ESCO1: variants seen among roughly 807,000 people sequenced by gnomAD.
ESCO1 encodes establishment of sister chromatid cohesion N-acetyltransferase 1, also known as N-acetyltransferase ESCO1.
Under a neutral mutation model 83.5 loss-of-function variants are expected in ESCO1, and 33 were observed. The ratio of observed to expected loss-of-function variants is 0.40; its 90% CI spans 0.30 to 0.53. ESCO1 has a LOEUF of 0.53. Among genes scored for constraint, ESCO1 ranks in the 20% least tolerant of loss-of-function variants. The pLI, the probability that ESCO1 is intolerant of heterozygous loss-of-function variation, is 0.63. For synonymous variants in ESCO1, 332 were observed against 324.3 expected, an observed-to-expected ratio of 1.02 and a Z score of -0.25; for missense variants, 855 against 968.0, an observed-to-expected ratio of 0.88 and a Z score of 1.55.
chr18:21,559,006 T>G (rs2146196059), intron 8 of ESCO1, among the ~76,000 whole-genome samples: 1 of 152,342 alleles, frequency 6.6e-6, no homozygotes, highest in East Asian at 1.9e-4. Flanking sequence ...GCCCAATAAA[T>G]GTTTTAAAGT....
chr18:21,541,547 C>T (rs1466890806), intron 8 of ESCO1, among the ~76,000 whole-genome samples: 1 of 143,754 alleles, frequency 7.0e-6, no homozygotes, highest in African/African-American at 2.6e-5. Context: ...GAGCTGAGTT[C>T]GCGCCATTGC....
intron 5 of ESCO1, 44 bp from the exon 6 acceptor site, chr18:21,566,250 C>T: frequency 6.5e-7 from 1 of 1,546,612 alleles, no homozygotes. Context: ...GAGTTTTATA[C>T]TAGTTTTCCA....
At position 21,574,320 on chromosome 18, in the gene ESCO1, A is replaced by C. The variant is rs1353892897; in HGVS notation, c.524T>G (p.Val175Gly). ...CTTTACTTCCAGTACTTTTCTCTTCACATGTTTTTGACTTGTTTTATTAGA... is the reference window on the plus strand; with the variant it reads ...CTTTACTTCCAGTACTTTTCTCTTCCCATGTTTTTGACTTGTTTTATTAGA... The part of the protein sequence containing the change: ...SKSNKTSQKH[V>G]KRKVLEVKSD... The change falls in exon 4 of 12, where the codon GTG (valine) becomes GGG (glycine). Residue 175 changes from valine to glycine, a missense_variant. This residue lies in a region of ESCO1 where 726 missense variants were observed against 699.5 expected (regional missense o/e 1.04). Coordinates refer to ENST00000269214, the MANE Select transcript of ESCO1 (RefSeq NM_052911.3). 6.2e-7 allele frequency: 1 copy of C among 1,613,574 alleles called. No homozygotes were observed. Among genetic ancestry groups the C allele is most frequent in the Non-Finnish European group, 8.5e-7 (1 of 1,179,966 alleles).
At chr18:21,545,096 ACTTT>A (rs1173415520) in intron 8 of ESCO1, among the ~76,000 whole-genome samples, 4 of 152,064 alleles carry the variant, frequency 2.6e-5, no homozygotes, top group Non-Finnish European at 4.4e-5. Context: ...CTCGCTGTGT[ACTTT>A]CTTTTTCTTT....
At chr18:21,592,807 G>C (rs550392829) in intron 1 of ESCO1, among the ~76,000 whole-genome samples, 2 of 145,308 alleles carry the variant, frequency 1.4e-5, no homozygotes, top group Non-Finnish European at 1.5e-5. Flanking sequence ...GGCGGCTGCC[G>C]GGCGGAGGGG....
intron 2 of ESCO1, among the ~76,000 whole-genome samples, chr18:21,583,765 A>G (rs2038536057): frequency 6.6e-6 from 1 of 152,198 alleles, no homozygotes; most frequent in Non-Finnish European, 1.5e-5. Flanking sequence ...GAGGTGACAG[A>G]AATGTTCTTT....
intron 4 of ESCO1, among the ~76,000 whole-genome samples, chr18:21,568,311 G>A (rs4800278): frequency 0.2 from 30,228 of 151,924 alleles, 3,666 homozygotes; most frequent in East Asian, 0.44. Flanking sequence ...GCAGGGTACA[G>A]CAGTGCATGC....
intron 5 of ESCO1, among the ~76,000 whole-genome samples, chr18:21,566,437 T>TAGAA (rs2038261251): frequency 6.6e-6 from 1 of 152,244 alleles, no homozygotes; most frequent in Non-Finnish European, 1.5e-5. Flanking sequence ...GCTGTAATGG[T>TAGAA]AGATTAGCTT....
At position 21,564,129 on chromosome 18, in the gene ESCO1, G is replaced by A. The variant is rs533579827; in HGVS notation, c.1821+74C>T. Reference sequence around the variant, plus strand: ...ATAAAAATTACCAACCTCAGATATCGTATTATAGCAACATGAAATATACTA... The same window carrying A: ...ATAAAAATTACCAACCTCAGATATCATATTATAGCAACATGAAATATACTA... On this transcript the variant is annotated intron_variant, in intron 7 of 11. Coordinates refer to ENST00000269214, the MANE Select transcript of ESCO1 (RefSeq NM_052911.3). 80 of 966,810 alleles carry A rather than the reference G, an allele frequency of 8.3e-5. 1 individual carries two copies. The highest frequency in any genetic ancestry group is 5.2e-4 in the African/African-American group (31 of 60,130). The allele number at this position is 966,810 out of a possible 1,614,324, so 59.9% of individuals were successfully genotyped here.
intron 10 of ESCO1, 71 bp from the exon 11 acceptor site, chr18:21,532,731 A>AG: frequency 6.9e-7 from 1 of 1,457,924 alleles, no homozygotes; most frequent in Non-Finnish European, 9.3e-7. Context: ...GATCTGGTTG[A>AG]GGCGGTTATG....
At chr18:21,551,564 G>A (rs1349115401) in intron 8 of ESCO1, among the ~76,000 whole-genome samples, 2 of 152,226 alleles carry the variant, frequency 1.3e-5, no homozygotes, top group Non-Finnish European at 2.9e-5. Context: ...AAGCATGAGT[G>A]AACAAGCAAG....
At chr18:21,545,039 C>T (rs1198830669) in intron 8 of ESCO1, among the ~76,000 whole-genome samples, 1 of 152,194 alleles carries the variant, frequency 6.6e-6, no homozygotes, top group African/African-American at 2.4e-5. Context: ...CTTCTTCTTA[C>T]ATGGGTGTGT....
chr18:21,531,872 C>T (rs2037771065), intron 11 of ESCO1, among the ~76,000 whole-genome samples: 2 of 89,024 alleles, frequency 2.2e-5, no homozygotes, highest in South Asian at 8.6e-4. Context: ...CAGCCCGGAA[C>T]AACAGAATGA....
intron 5 of ESCO1, among the ~76,000 whole-genome samples, chr18:21,567,615 AAAGAT>A (rs1281331494): frequency 1.3e-5 from 2 of 152,232 alleles, no homozygotes; most frequent in Admixed American, 6.5e-5. Context: ...AATAAGGGTT[AAAGAT>A]AAGAACCTGA....
At position 21,537,918 on chromosome 18, in the gene ESCO1, T is replaced by G. The variant is rs1300530675; in HGVS notation, c.2044-1733A>C. 2.8e-4 allele frequency among the ~76,000 whole-genome samples: 42 copies of G among 152,098 alleles called. 1 individual carries two copies. The highest frequency in any genetic ancestry group is 2.8e-3 in the Admixed American group (42 of 15,262). On this transcript the variant is annotated intron_variant, in intron 9 of 11. Coordinates refer to ENST00000269214, the MANE Select transcript of ESCO1 (RefSeq NM_052911.3). ...GTGGGTCCACTTATATGTAGGGCTT[T>G]TTTCAATAAACATATTGGAAAATTT...
chr18:21,588,062 T>TG (rs2038607091), intron 1 of ESCO1, among the ~76,000 whole-genome samples: 1 of 146,416 alleles, frequency 6.8e-6, no homozygotes, highest in Non-Finnish European at 1.5e-5. Context: ...GAACAGCCAC[T>TG]GCACTCCAGC....
chr18:21,540,679 CGTG>C (rs781209391), intron 8 of ESCO1: 3 of 1,302,660 alleles, frequency 2.3e-6, no homozygotes, highest in East Asian at 5.1e-5. Flanking sequence ...GATCCACACT[CGTG>C]GTGATTAATG....
intron 2 of ESCO1, among the ~76,000 whole-genome samples, chr18:21,578,688 GA>G (rs1212010608): frequency 2.0e-5 from 3 of 150,662 alleles, no homozygotes; most frequent in Non-Finnish European, 3.0e-5. Flanking sequence ...GATCTACCAC[GA>G]AAAAAAAGAA....
At chr18:21,535,657 C>T (rs1447430364) in intron 10 of ESCO1, among the ~76,000 whole-genome samples, 1 of 152,004 alleles carries the variant, frequency 6.6e-6, no homozygotes, top group Non-Finnish European at 1.5e-5. Context: ...GCTGGGATTA[C>T]AGGCGTGAGC....
Sources: allele counts gnomAD v4.1 joint callset (sites outside exome capture counted in the v4.1 genomes callset), GRCh38; gene constraint gnomAD v4.1.1; regional missense constraint gnomAD v4.1.1; transcripts MANE v1.5; gene names NCBI Gene and HGNC (gene_info 2026-07-23, HGNC 2026-07-21).